Variants in HCN1 observed in about 807,000 individuals in gnomAD.
HCN1 encodes the protein potassium/sodium hyperpolarization-activated cyclic nucleotide-gated channel 1.
In HCN1, 13 loss-of-function variants were observed where a neutral mutation model predicts 78.9. The observed-to-expected ratio is 0.16, with a 90% CI of 0.11 to 0.26. The LOEUF (loss-of-function observed/expected upper bound fraction) is 0.26. Among genes scored for constraint, HCN1 ranks in the 10% least tolerant of loss-of-function variants. HCN1 has a pLI of 1.00. For synonymous variants in HCN1, 552 were observed against 455.5 expected (o/e 1.21, Z -2.70); for missense variants, 810 against 1,154.3 (o/e 0.70, Z 4.32).
At chr5:45,638,429 T>C (rs545808034) in intron 2 of HCN1, among the ~76,000 whole-genome samples, 46 of 152,268 alleles carry the variant, frequency 3.0e-4, no homozygotes, top group Middle Eastern at 3.4e-3. Context: ...AATCTTAAAA[T>C]GGGAAGCATG....
intron 3 of HCN1, among the ~76,000 whole-genome samples, chr5:45,425,058 A>G (rs12519133): frequency 0.055 from 8,331 of 152,254 alleles, 307 homozygotes; most frequent in East Asian, 0.14. Flanking sequence ...TATTACAATT[A>G]CCTAGAATAT....
intron 2 of HCN1, among the ~76,000 whole-genome samples, chr5:45,506,101 C>T (rs187673182): frequency 7.6e-4 from 116 of 152,144 alleles, no homozygotes; most frequent in Middle Eastern, 3.4e-3. Flanking sequence ...TAAATGATAA[C>T]TGTAATTCAC....
In HCN1 at chr5:45,537,828, C is replaced by A. The variant is rs193069697; in HGVS notation, c.850-75821G>T. ...CTTTGTGCTGTTAGCCATTTGACTA[C>A]AACTATGTAAAGAACCTACAGAGAA... On this transcript the variant is annotated intron_variant, in intron 2 of 7. Transcript: ENST00000303230. Among the ~76,000 whole-genome samples the A allele has an allele frequency of 2.7e-3, 418 of 152,064 alleles. 1 individual carries two copies. The highest frequency in any genetic ancestry group is 9.5e-3 in the African/African-American group (396 of 41,490).
intron 1 of HCN1, among the ~76,000 whole-genome samples, chr5:45,649,882 T>C (rs957595658): frequency 6.6e-6 from 1 of 152,234 alleles, no homozygotes; most frequent in East Asian, 1.9e-4. Flanking sequence ...TAATTTCTTA[T>C]TTGTCTTGCA....
chr5:45,457,419 T>C (rs1407866076), intron 3 of HCN1, among the ~76,000 whole-genome samples: 1 of 152,136 alleles, frequency 6.6e-6, no homozygotes, highest in African/African-American at 2.4e-5. Context: ...TATTAGAAAG[T>C]AATTATCTGC....
At position 45,313,228 on chromosome 5, in the gene HCN1, C is replaced by T. The variant is rs146638361; in HGVS notation, c.1378-9389G>A. On this transcript the variant is annotated intron_variant, in intron 5 of 7. Transcript: ENST00000303230. ...TTCACCAATATTCGATGTTCTGCAG[C>T]CTTCATTGCTGATACCCAGGCAAAC... Among the ~76,000 whole-genome samples the T allele has an allele frequency of 3.6e-3, 541 of 152,292 alleles. 3 individuals are homozygous for T. Among genetic ancestry groups the T allele is most frequent in the Non-Finnish European group, 6.5e-3 (440 of 68,038 alleles).
intron 3 of HCN1, among the ~76,000 whole-genome samples, chr5:45,415,216 A>AT (rs990697485): frequency 2.6e-5 from 4 of 151,854 alleles, no homozygotes; most frequent in African/African-American, 9.7e-5. Context: ...TTTATCTTTT[A>AT]TTTTTTCTTT....
chr5:45,488,080 C>T (rs1378116107), intron 2 of HCN1, among the ~76,000 whole-genome samples: 1 of 151,972 alleles, frequency 6.6e-6, no homozygotes, highest in Admixed American at 6.6e-5. Context: ...AACATCTGCC[C>T]TTATTCCTTG....
chr5:45,684,613 C>G (rs1446200681), intron 1 of HCN1, among the ~76,000 whole-genome samples: 1 of 152,170 alleles, frequency 6.6e-6, no homozygotes, highest in African/African-American at 2.4e-5. Flanking sequence ...GTAAACCCAG[C>G]ACTTTGGTAG....
chr5:45,580,367 G>T (rs542733701), intron 2 of HCN1, among the ~76,000 whole-genome samples: 1 of 151,906 alleles, frequency 6.6e-6, no homozygotes, highest in South Asian at 2.1e-4. Flanking sequence ...TTCTCCTGGG[G>T]GTCACAAGCC....
intron 2 of HCN1, among the ~76,000 whole-genome samples, chr5:45,504,227 T>A (rs893953628): frequency 6.6e-6 from 1 of 152,100 alleles, no homozygotes; most frequent in Non-Finnish European, 1.5e-5. Context: ...ATTAGGTATA[T>A]CTCCTAATGC....
At chr5:45,262,877 G>A in intron 7 of HCN1, 67 bp from the exon 8 acceptor site, 4 of 1,551,956 alleles carry the variant, frequency 2.6e-6, no homozygotes, top group South Asian at 2.3e-5. Context: ...CCAAGTGAGA[G>A]TGGCTCCTGC....
chr5:45,396,300 T>C (rs1319312341), intron 4 of HCN1, among the ~76,000 whole-genome samples, 192 bp downstream of exon 4: 2 of 152,016 alleles, frequency 1.3e-5, no homozygotes, highest in Non-Finnish European at 2.9e-5. Context: ...AACTGAGAAA[T>C]GAGAAGCAAA....
chr5:45,372,840 AAT>A (rs1747444791), intron 4 of HCN1, among the ~76,000 whole-genome samples: 1 of 141,564 alleles, frequency 7.1e-6, no homozygotes, highest in African/African-American at 2.6e-5. Context: ...TATACAGAAA[AAT>A]ATGTTCGTAT....
chr5:45,577,182 T>C (rs1231806325), intron 2 of HCN1, among the ~76,000 whole-genome samples: 1 of 152,100 alleles, frequency 6.6e-6, no homozygotes, highest in African/African-American at 2.4e-5. Flanking sequence ...AAAATTATTC[T>C]TGTTTTCAAG....
chr5:45,598,486 C>A (rs1284865043), intron 2 of HCN1, among the ~76,000 whole-genome samples: 4 of 152,108 alleles, frequency 2.6e-5, no homozygotes, highest in Non-Finnish European at 4.4e-5. Flanking sequence ...CTAGGTAGTA[C>A]CATTCAGGAC....
chr5:45,692,647 C>T (rs570136672), intron 1 of HCN1, among the ~76,000 whole-genome samples: 8 of 152,076 alleles, frequency 5.3e-5, no homozygotes, highest in Admixed American at 1.3e-4. Context: ...GCCCTACTTA[C>T]GCCAGGGGTA....
intron 2 of HCN1, among the ~76,000 whole-genome samples, chr5:45,603,068 C>T (rs547648786): frequency 2.0e-5 from 3 of 151,944 alleles, no homozygotes; most frequent in Non-Finnish European, 2.9e-5. Flanking sequence ...TCTTATAGTT[C>T]GATATAAGTG....
At chr5:45,383,607 T>C (rs997565622) in intron 4 of HCN1, among the ~76,000 whole-genome samples, 5 of 151,948 alleles carry the variant, frequency 3.3e-5, no homozygotes, top group Non-Finnish European at 7.4e-5. Flanking sequence ...GGCAGGAGAA[T>C]CGCTTGAACT....
Sources: allele counts gnomAD v4.1 joint callset (sites outside exome capture counted in the v4.1 genomes callset), GRCh38; gene constraint gnomAD v4.1.1; transcripts MANE v1.5; gene names NCBI Gene and HGNC (gene_info 2026-07-23, HGNC 2026-07-21).